The following MEGF11 variants were observed in gnomAD, a reference collection of about 807,000 sequenced individuals.
MEGF11 encodes multiple epidermal growth factor-like domains protein 11.
In MEGF11, 126 loss-of-function variants were observed where a neutral mutation model predicts 146.6. That is an observed-to-expected ratio of 0.86 (90% CI 0.74 to 1.00). MEGF11 has a LOEUF of 1.00. Among genes scored for constraint, MEGF11 ranks in the 50% least tolerant of loss-of-function variants. The pLI, the probability that MEGF11 is intolerant of heterozygous loss-of-function variation, is 0.00. For synonymous variants in MEGF11, 532 were observed against 583.4 expected, an observed-to-expected ratio of 0.91 and a Z score of 1.27; for missense variants, 1,509 against 1,521.2, an observed-to-expected ratio of 0.99 and a Z score of 0.13.
intron 5 of MEGF11, among the ~76,000 whole-genome samples, chr15:66,057,222 G>A (rs1378352405): frequency 6.6e-6 from 1 of 152,122 alleles, no homozygotes; most frequent in African/African-American, 2.4e-5. Context: ...GAGGCTTTCG[G>A]TGAAGCAAAA....
At chr15:66,137,894 T>C (rs1421116038) in intron 1 of MEGF11, among the ~76,000 whole-genome samples, 1 of 152,070 alleles carries the variant, frequency 6.6e-6, no homozygotes, top group Non-Finnish European at 1.5e-5. Context: ...AGGTCTCAAT[T>C]TTCAGATTTC....
At chr15:66,225,778 A>G (rs1184108465) in intron 1 of MEGF11, among the ~76,000 whole-genome samples, 1 of 152,162 alleles carries the variant, frequency 6.6e-6, no homozygotes, top group Admixed American at 6.5e-5. Context: ...ACATGAAGGC[A>G]TATGTTTACA....
At chr15:66,190,121 T>C (rs904165642) in intron 1 of MEGF11, among the ~76,000 whole-genome samples, 1 of 152,258 alleles carries the variant, frequency 6.6e-6, no homozygotes, top group Non-Finnish European at 1.5e-5. Context: ...AATCTCGGCA[T>C]GTCTAAGCTC....
intron 2 of MEGF11, among the ~76,000 whole-genome samples, chr15:66,125,524 G>C (rs1332846921): frequency 1.3e-5 from 2 of 152,224 alleles, no homozygotes; most frequent in African/African-American, 4.8e-5. Context: ...CATGCTCTTA[G>C]ATGTGTTGTT....
intron 5 of MEGF11, among the ~76,000 whole-genome samples, chr15:66,073,713 TG>T (rs1391584360): frequency 6.6e-6 from 1 of 152,180 alleles, no homozygotes; most frequent in Non-Finnish European, 1.5e-5. Flanking sequence ...CAGAGTTGGG[TG>T]GGCAGCCTAT....
chr15:66,234,345 A>G (rs7164024), intron 1 of MEGF11, among the ~76,000 whole-genome samples: 109,793 of 152,220 alleles, frequency 0.72, 39,641 homozygotes, highest in East Asian at 0.81. Context: ...AGCCTCTGAT[A>G]TCATGCTTTT....
chr15:66,006,517 A>G (rs1018265851), intron 5 of MEGF11, among the ~76,000 whole-genome samples: 4 of 152,152 alleles, frequency 2.6e-5, no homozygotes, highest in African/African-American at 7.2e-5. Context: ...TAAGGGCATG[A>G]CTTATACATG....
intron 1 of MEGF11, among the ~76,000 whole-genome samples, chr15:66,139,795 A>G (rs558156316): frequency 6.6e-6 from 1 of 152,290 alleles, no homozygotes; most frequent in East Asian, 1.9e-4. Flanking sequence ...GTTTCTTCTG[A>G]GGGTTCCGTG....
chr15:66,244,214 C>T (rs1334413042), intron 1 of MEGF11, among the ~76,000 whole-genome samples: 1 of 152,184 alleles, frequency 6.6e-6, no homozygotes. Context: ...ACATCGCCCA[C>T]TCCTCCCAGA....
intron 9 of MEGF11, among the ~76,000 whole-genome samples, chr15:65,960,438 G>A (rs571999088): frequency 1.2e-4 from 19 of 152,356 alleles, no homozygotes; most frequent in African/African-American, 2.2e-4. Context: ...CGTGGGTATC[G>A]TGGGGAAGGC....
intron 1 of MEGF11, among the ~76,000 whole-genome samples, chr15:66,150,881 T>G (rs2089550279): frequency 6.9e-6 from 1 of 145,520 alleles, no homozygotes; most frequent in Non-Finnish European, 1.5e-5. Flanking sequence ...GAAAGAATTT[T>G]CCAAGGCCAC....
At position 65,916,129 on chromosome 15, in the gene MEGF11, A is replaced by G; in HGVS notation, c.2344+19T>C. 6.4e-7 allele frequency: 1 copy of G among 1,570,998 alleles called. No individual in the cohort carries two copies. Among genetic ancestry groups the G allele is most frequent in the Admixed American group, 1.8e-5 (1 of 55,528 alleles). On this transcript the variant is annotated intron_variant, in intron 18 of 25. Coordinates refer to ENST00000395614, the MANE Select transcript of MEGF11 (RefSeq NM_001385028.1). The stretch of plus-strand genomic sequence containing the variant: ...GGGCCCAGCAGCATCACCCAGGATC[A>G]GGGGTCAGGGCAGCTTACTCTGCTC...
At chr15:65,978,782 A>G (rs1312643762) in intron 7 of MEGF11, among the ~76,000 whole-genome samples, 2 of 149,640 alleles carry the variant, frequency 1.3e-5, no homozygotes, top group Non-Finnish European at 3.0e-5. Flanking sequence ...TCCTCAGAGG[A>G]GACAGACAGA....
chr15:66,201,946 CAAAAAAAAAAAA>C (rs71139471), intron 1 of MEGF11, among the ~76,000 whole-genome samples: 3 of 31,780 alleles, frequency 9.4e-5, no homozygotes, highest in Non-Finnish European at 1.6e-4. Context: ...GACTCCATCT[CAAAAAAAAAAAA>C]AAAAAAAAAA....
chr15:65,957,626 C>T lies in MEGF11; in HGVS notation c.1208G>A (p.Cys403Tyr), dbSNP rs770540283. 6.2e-6 allele frequency: 10 copies of T among 1,613,950 alleles called. No homozygotes were observed. Among genetic ancestry groups the T allele is most frequent in the Non-Finnish European group, 7.6e-6 (9 of 1,179,894 alleles). The change falls in exon 10 of 26, where the codon TGC (cysteine) becomes TAC (tyrosine). Residue 403 changes from cysteine to tyrosine, a missense_variant. Cys to Tyr is a radical substitution (Grantham distance 194). Transcript: ENST00000395614. ...SCPVGYYGDG[C>Y]QLPCTCQNGA... ...ATTCTGACAGGTGCAAGGCAGCTGG[C>T]AGCCATCGCCATAGTAGCCAACAGG...
rs59849261 is a variant in MEGF11 at position 65,914,203 on chromosome 15, A to C, written c.2474-230T>G. 642 of 568,828 alleles carry C rather than the reference A, an allele frequency of 1.1e-3. 2 individuals are homozygous for C. The highest frequency in any genetic ancestry group is 0.011 in the African/African-American group (591 of 53,732). The allele number at this position is 568,828 out of a possible 1,614,324, so 35.2% of individuals were successfully genotyped here. Reference sequence around the variant, plus strand: ...GGAGCAATTGTGACTGTCGATGTGAAACAATAAATATTATTTTACTCTGTT... The same window carrying C: ...GGAGCAATTGTGACTGTCGATGTGACACAATAAATATTATTTTACTCTGTT... On this transcript the variant is annotated intron_variant, in intron 19 of 25. Transcript: ENST00000395614.
chr15:65,957,878 C>T (rs1490481428), intron 9 of MEGF11, among the ~76,000 whole-genome samples, 157 bp from the exon 10 acceptor site: 1 of 152,158 alleles, frequency 6.6e-6, no homozygotes, highest in East Asian at 1.9e-4. Flanking sequence ...TCAGAAGATG[C>T]CAAGGCCACA....
intron 1 of MEGF11, among the ~76,000 whole-genome samples, chr15:66,184,077 G>A (rs2090627825): frequency 6.6e-6 from 1 of 152,104 alleles, no homozygotes; most frequent in African/African-American, 2.4e-5. Context: ...TGGACATCAG[G>A]CTGGGGGACA....
intron 5 of MEGF11, among the ~76,000 whole-genome samples, chr15:66,006,788 G>C (rs2082533560): frequency 6.6e-6 from 1 of 152,182 alleles, no homozygotes; most frequent in East Asian, 1.9e-4. Flanking sequence ...TTTATGGCTG[G>C]GAGACAGCCA....
Sources: allele counts gnomAD v4.1 joint callset (sites outside exome capture counted in the v4.1 genomes callset), GRCh38; gene constraint gnomAD v4.1.1; transcripts MANE v1.5; gene names NCBI Gene and HGNC (gene_info 2026-07-23, HGNC 2026-07-21).